GRAMD2B: variants seen among roughly 807,000 people sequenced by gnomAD.
GRAMD2B encodes GRAM domain-containing protein 2B.
A neutral mutation model predicts 59.2 loss-of-function variants in GRAMD2B; 41 were observed. The ratio of observed to expected loss-of-function variants is 0.69; its 90% confidence interval spans 0.54 to 0.90. The LOEUF (loss-of-function observed/expected upper bound fraction) is 0.90, where lower values mean the gene tolerates loss of function less well. Among genes scored for constraint, GRAMD2B ranks in the 40% least tolerant of loss-of-function variants. The probability of loss-of-function intolerance (pLI) is 0.00; values close to 1 mark genes in which losing one functional copy is unlikely to be tolerated. For missense variants in GRAMD2B, 424 were observed against 500.5 expected (o/e 0.85, Z 1.46); for synonymous variants, 161 against 182.7 (o/e 0.88, Z 0.96).
chr5:126,423,735 C>A (rs367720185), intron 1 of GRAMD2B, 46 bp downstream of exon 1: 1 of 1,551,560 alleles, frequency 6.4e-7, no homozygotes, highest in Non-Finnish European at 8.7e-7. Context: ...GGGAGGAGCG[C>A]AGCCTAAACT....
At chr5:126,452,841 C>G (rs1005725534) in intron 1 of GRAMD2B, among the ~76,000 whole-genome samples, 4 of 152,162 alleles carry the variant, frequency 2.6e-5, no homozygotes, top group African/African-American at 9.7e-5. Flanking sequence ...ATAGACCTCA[C>G]TAAGTAATGA....
intron 1 of GRAMD2B, among the ~76,000 whole-genome samples, chr5:126,460,974 ACTT>A (rs1287529382): frequency 6.6e-6 from 1 of 152,184 alleles, no homozygotes; most frequent in Non-Finnish European, 1.5e-5. Context: ...AACTACCTCT[ACTT>A]CTACTACCAT....
At chr5:126,464,121 G>A (rs912752686) in intron 1 of GRAMD2B, among the ~76,000 whole-genome samples, 12 of 152,028 alleles carry the variant, frequency 7.9e-5, no homozygotes, top group African/African-American at 2.4e-4. Flanking sequence ...ACTACAATAG[G>A]ACTCCTCGCC....
chr5:126,363,758 T>C (rs942568875), intron 1 of GRAMD2B, among the ~76,000 whole-genome samples: 1 of 152,306 alleles, frequency 6.6e-6, no homozygotes, highest in South Asian at 2.1e-4. Flanking sequence ...TATGAATGTC[T>C]CATCTCTAAA....
intron 1 of GRAMD2B, among the ~76,000 whole-genome samples, chr5:126,384,971 C>T (rs1039030486): frequency 3.3e-5 from 5 of 152,160 alleles, no homozygotes; most frequent in African/African-American, 9.7e-5. Context: ...TGTTTCTAAC[C>T]GATCACTGAG....
intron 1 of GRAMD2B, among the ~76,000 whole-genome samples, chr5:126,444,503 G>A (rs546031633): frequency 6.6e-6 from 1 of 152,300 alleles, no homozygotes; most frequent in East Asian, 1.9e-4. Flanking sequence ...TGAAGTATAT[G>A]TTTATGATTG....
chr5:126,473,688 A>G (rs1770048484), intron 5 of GRAMD2B, among the ~76,000 whole-genome samples: 1 of 152,204 alleles, frequency 6.6e-6, no homozygotes, highest in Non-Finnish European at 1.5e-5. Context: ...AGTTGTTTAT[A>G]TGGAGGGTGT....
At chr5:126,485,983 TAA>T (rs1772837519) in intron 11 of GRAMD2B, among the ~76,000 whole-genome samples, 1 of 152,212 alleles carries the variant, frequency 6.6e-6, no homozygotes, top group African/African-American at 2.4e-5. Context: ...TGCAGAGGAC[TAA>T]GTTCTGAGTG....
In GRAMD2B at chr5:126,448,197, A is replaced by G. The variant is rs140154515; in HGVS notation, c.84-17229A>G. Among the ~76,000 whole-genome samples, 17 of 152,298 alleles carry G rather than the reference A, an allele frequency of 1.1e-4. No individual in the cohort carries two copies. The East Asian group carries it at 3.3e-3, about 29-fold the overall frequency. On this transcript the variant is annotated intron_variant, in intron 1 of 13. Transcript: ENST00000285689. ...AATAAACCACATACTAAAGTGATAC[A>G]GTTGCCATGACAGTCACAGGGTACT...
chr5:126,416,929 T>C (rs1163475472), intron 1 of GRAMD2B, among the ~76,000 whole-genome samples: 1 of 152,252 alleles, frequency 6.6e-6, no homozygotes, highest in African/African-American at 2.4e-5. Flanking sequence ...GTGTTATTTA[T>C]GTACTGACTT....
upstream of GRAMD2B, among the ~76,000 whole-genome samples, chr5:126,420,096 T>C (rs1580874252): frequency 7.1e-6 from 1 of 141,648 alleles, no homozygotes; most frequent in Non-Finnish European, 1.5e-5. Flanking sequence ...AGAAAAGAAA[T>C]CTTCTTTGCT....
At position 126,465,473 on chromosome 5, in the gene GRAMD2B, C is replaced by T. The variant is rs763656939; in HGVS notation, c.131C>T (p.Ser44Leu). 4.5e-5 allele frequency: 72 copies of T among 1,613,980 alleles called. 1 individual carries two copies. The highest frequency in any genetic ancestry group is 1.6e-4 in the Middle Eastern group (1 of 6,084). ...GAGGAGAAAAAGAAAGCCTGCAGGT[C>T]GCCAACAGCCCAATCCCCTACCCCA... ...GVEEKKKACR[S>L]PTAQSPTPSV... is the part of the protein sequence containing the mutation. Residue 44 changes from serine (S) to leucine (L), a missense_variant, in exon 2 of 14, where the codon TCG becomes TTG. Ser to Leu is a moderately radical substitution (Grantham distance 145). Transcript: ENST00000285689.
At chr5:126,429,286 A>C (rs115654863) in intron 1 of GRAMD2B, among the ~76,000 whole-genome samples, 5,716 of 152,252 alleles carry the variant, frequency 0.038, 356 homozygotes, top group African/African-American at 0.13. Flanking sequence ...TGCAGGAACA[A>C]AAAACGAAAT....
At chr5:126,481,970 CAAAA>C (rs34641412) in intron 8 of GRAMD2B, among the ~76,000 whole-genome samples, 1 of 98,114 alleles carries the variant, frequency 1.0e-5, no homozygotes, top group Non-Finnish European at 2.1e-5. Flanking sequence ...GACTCCATCT[CAAAA>C]AAAAAAAAAA....
At chr5:126,365,316 A>C (rs1754391005) in intron 1 of GRAMD2B, among the ~76,000 whole-genome samples, 1 of 152,168 alleles carries the variant, frequency 6.6e-6, no homozygotes. Context: ...TTAATACAAA[A>C]AATAACCTTA....
intron 12 of GRAMD2B, among the ~76,000 whole-genome samples, chr5:126,487,483 C>G (rs1476904853): frequency 6.6e-6 from 1 of 152,016 alleles, no homozygotes; most frequent in Non-Finnish European, 1.5e-5. Flanking sequence ...TTTTAACATG[C>G]CTGGCCTAAT....
intron 1 of GRAMD2B, among the ~76,000 whole-genome samples, chr5:126,439,101 A>G (rs1296353994): frequency 6.6e-6 from 1 of 152,122 alleles, no homozygotes; most frequent in Non-Finnish European, 1.5e-5. Context: ...TAAGGCCATT[A>G]TTACTGGATG....
chr5:126,463,215 G>T (rs1367530651), intron 1 of GRAMD2B, among the ~76,000 whole-genome samples: 1 of 152,198 alleles, frequency 6.6e-6, no homozygotes, highest in African/African-American at 2.4e-5. Flanking sequence ...CAAAGATGCT[G>T]TATAGGACAG....
At chr5:126,457,156 C>T (rs1766434174) in intron 1 of GRAMD2B, among the ~76,000 whole-genome samples, 1 of 137,376 alleles carries the variant, frequency 7.3e-6, no homozygotes, top group East Asian at 2.2e-4. Flanking sequence ...CGCGCCACTG[C>T]ACTCCAGCAG....
Sources: allele counts gnomAD v4.1 joint callset (sites outside exome capture counted in the v4.1 genomes callset), GRCh38; gene constraint gnomAD v4.1.1; transcripts MANE v1.5; gene names NCBI Gene and HGNC (gene_info 2026-07-23, HGNC 2026-07-21).